Variants in MAGI2 observed in about 807,000 individuals in gnomAD.
MAGI2 encodes the protein membrane-associated guanylate kinase, WW and PDZ domain-containing protein 2.
In MAGI2, 35 loss-of-function variants were observed where a neutral mutation model predicts 133.3. The ratio of observed to expected loss-of-function variants is 0.26; its 90% confidence interval spans 0.20 to 0.35. MAGI2 has a LOEUF of 0.35. Ranked by LOEUF, MAGI2 falls within the 10% of genes least tolerant of loss-of-function variation. MAGI2 has a pLI of 1.00. For missense variants in MAGI2, 1,636 were observed against 1,863.4 expected (o/e 0.88, Z 2.25); for synonymous variants, 729 against 710.6 (o/e 1.03, Z -0.41).
At chr7:79,325,001 G>A (rs894787177) in intron 1 of MAGI2, among the ~76,000 whole-genome samples, 2 of 151,604 alleles carry the variant, frequency 1.3e-5, no homozygotes, top group East Asian at 3.9e-4. Flanking sequence ...ATATTTTCTT[G>A]TATCTAAGGT....
chr7:79,292,231 T>C (rs1270785068), intron 1 of MAGI2, among the ~76,000 whole-genome samples: 1 of 152,226 alleles, frequency 6.6e-6, no homozygotes, highest in Non-Finnish European at 1.5e-5. Flanking sequence ...TTCTTGACTC[T>C]TAACATTTCA....
At chr7:78,718,163 C>T (rs1819901533) in intron 2 of MAGI2, among the ~76,000 whole-genome samples, 1 of 152,188 alleles carries the variant, frequency 6.6e-6, no homozygotes, top group South Asian at 2.1e-4. Flanking sequence ...GGATTCAAGC[C>T]TGTATCTAAA....
intron 1 of MAGI2, among the ~76,000 whole-genome samples, chr7:79,117,314 T>C (rs1819492412): frequency 6.6e-6 from 1 of 152,132 alleles, no homozygotes; most frequent in Non-Finnish European, 1.5e-5. Flanking sequence ...CCAAAACTTT[T>C]CAATAGAATA....
At chr7:79,424,826 TCA>T (rs1185609841) in intron 1 of MAGI2, among the ~76,000 whole-genome samples, 1 of 152,200 alleles carries the variant, frequency 6.6e-6, no homozygotes, top group Non-Finnish European at 1.5e-5. Context: ...ATTCCTCATG[TCA>T]CAGTCTGAAT....
At chr7:79,092,457 T>C (rs931365159) in intron 1 of MAGI2, among the ~76,000 whole-genome samples, 5 of 152,282 alleles carry the variant, frequency 3.3e-5, no homozygotes, top group Admixed American at 3.3e-4. Flanking sequence ...CAAACAAACC[T>C]ATAGAAATGA....
chr7:78,797,163 A>G (rs1787684783), intron 2 of MAGI2, among the ~76,000 whole-genome samples: 1 of 152,120 alleles, frequency 6.6e-6, no homozygotes, highest in Admixed American at 6.6e-5. Flanking sequence ...GAAAAGATAC[A>G]TGTTTGAGAT....
At chr7:78,326,192 T>C (rs1055728611) in intron 9 of MAGI2, among the ~76,000 whole-genome samples, 13 of 152,210 alleles carry the variant, frequency 8.5e-5, no homozygotes, top group African/African-American at 3.1e-4. Context: ...AGGCTCATAG[T>C]AAATGCTCCA....
chr7:78,339,972 C>T (rs984257713), intron 9 of MAGI2, among the ~76,000 whole-genome samples: 4 of 152,138 alleles, frequency 2.6e-5, no homozygotes, highest in Non-Finnish European at 5.9e-5. Context: ...AATGGCAATA[C>T]AGCGTTGGTG....
At chr7:78,884,007 G>A (rs558312161) in intron 2 of MAGI2, among the ~76,000 whole-genome samples, 1 of 152,206 alleles carries the variant, frequency 6.6e-6, no homozygotes, top group East Asian at 1.9e-4. Flanking sequence ...TGACAAGTGC[G>A]ACCTGATTAA....
chr7:78,641,080 C>A (rs1188740275), intron 2 of MAGI2, among the ~76,000 whole-genome samples: 1 of 152,136 alleles, frequency 6.6e-6, no homozygotes, highest in Non-Finnish European at 1.5e-5. Context: ...CTTGCTGCCA[C>A]CATGTGAAGA....
intron 21 of MAGI2, among the ~76,000 whole-genome samples, chr7:78,058,001 A>ATGTGTGTGTGTGTGTGTGTG (rs1237650726): frequency 1.8e-5 from 2 of 111,376 alleles, no homozygotes; most frequent in East Asian, 2.3e-4. Flanking sequence ...ATATATATAT[A>ATGTGTGTGTGTGTGTGTGTG]TATGTATGAG....
intron 1 of MAGI2, among the ~76,000 whole-genome samples, chr7:79,061,304 A>G (rs1049168954): frequency 2.6e-5 from 4 of 151,974 alleles, no homozygotes; most frequent in Admixed American, 6.6e-5. Flanking sequence ...TAGAAAAAAA[A>G]AAAGCCTTTT....
intron 2 of MAGI2, among the ~76,000 whole-genome samples, chr7:78,825,076 G>A (rs183634626): frequency 2.5e-4 from 38 of 152,142 alleles, no homozygotes; most frequent in South Asian, 6.2e-4. Context: ...GAGGGTGGGG[G>A]GCAAAGGGAG....
intron 2 of MAGI2, among the ~76,000 whole-genome samples, chr7:78,900,161 G>A (rs537227359): frequency 1.3e-5 from 2 of 152,220 alleles, no homozygotes; most frequent in South Asian, 2.1e-4. Context: ...TGCCACTCAC[G>A]TCCAAACCAC....
chr7:78,490,230 C>T (rs1267586969), intron 5 of MAGI2, among the ~76,000 whole-genome samples: 2 of 152,092 alleles, frequency 1.3e-5, no homozygotes, highest in Non-Finnish European at 2.9e-5. Flanking sequence ...CTTAAACCTA[C>T]CCTTTTCATA....
intron 1 of MAGI2, among the ~76,000 whole-genome samples, chr7:79,021,864 C>T (rs942504936): frequency 3.9e-5 from 6 of 152,138 alleles, no homozygotes; most frequent in African/African-American, 7.2e-5. Flanking sequence ...CAAATCTCAT[C>T]TTGAATTGTA....
chr7:79,116,856 A>G (rs1322703436), intron 1 of MAGI2, among the ~76,000 whole-genome samples: 2 of 152,134 alleles, frequency 1.3e-5, no homozygotes, highest in East Asian at 1.9e-4. Flanking sequence ...AGCCTCCACC[A>G]TGATTGTAAG....
chr7:79,045,315 G>A (rs113981222), intron 1 of MAGI2, among the ~76,000 whole-genome samples: 102 of 152,152 alleles, frequency 6.7e-4, no homozygotes, highest in Non-Finnish European at 1.2e-3. Context: ...ATATACACAC[G>A]TCCAAATCCA....
At chr7:78,306,275 A>G (rs1798238475) in intron 9 of MAGI2, among the ~76,000 whole-genome samples, 1 of 152,160 alleles carries the variant, frequency 6.6e-6, no homozygotes, top group African/African-American at 2.4e-5. Context: ...CCCTCTAGTC[A>G]TCAGTTATGT....
Sources: allele counts gnomAD v4.1 joint callset (sites outside exome capture counted in the v4.1 genomes callset), GRCh38; gene constraint gnomAD v4.1.1; transcripts MANE v1.5; gene names NCBI Gene and HGNC (gene_info 2026-07-23, HGNC 2026-07-21).